Variants in BTN2A2 observed in about 807,000 individuals in gnomAD.
BTN2A2 encodes the protein butyrophilin 2.
In BTN2A2, 29 loss-of-function variants were observed where a neutral mutation model predicts 34.7. The observed-to-expected ratio is 0.84, with a 90% CI of 0.62 to 1.14. The LOEUF is 1.14. BTN2A2 is among the 50% of genes most tolerant of loss of function. The probability of loss-of-function intolerance (pLI) is 0.00; values close to 1 mark genes in which losing one functional copy is unlikely to be tolerated. For synonymous variants in BTN2A2, 240 were observed against 253.1 expected, an observed-to-expected ratio of 0.95 and a Z score of 0.49; for missense variants, 612 against 651.5, an observed-to-expected ratio of 0.94 and a Z score of 0.66.
chr6:26,389,516 G>A (rs1761433772), intron 4 of BTN2A2, among the ~76,000 whole-genome samples: 1 of 152,210 alleles, frequency 6.6e-6, no homozygotes, highest in Non-Finnish European at 1.5e-5. Context: ...TTCACAGAGT[G>A]ATGCAACTAC....
At position 26,392,870 on chromosome 6, in the gene BTN2A2, C is replaced by G. The variant is rs767900073; in HGVS notation, c.1475C>G (p.Pro492Arg). The G allele has an allele frequency of 1.2e-6, 2 of 1,614,204 alleles. No homozygotes were observed. The highest frequency in any genetic ancestry group is 8.5e-7 in the Non-Finnish European group (1 of 1,180,042). Reference sequence around the variant, plus strand: ...TTCAGGTTAGGGTCTGATGACAGCCCCATCTTCATCTGCCCTGCACTCACA... The same window carrying G: ...TTCAGGTTAGGGTCTGATGACAGCCGCATCTTCATCTGCCCTGCACTCACA... ...PFFRLGSDDS[P>R]IFICPALTGA... The change falls in exon 8 of 8, where the codon CCC (proline) becomes CGC (arginine). Residue 492 changes from proline to arginine, a missense_variant. Coordinates refer to ENST00000356709, the MANE Select transcript of BTN2A2 (RefSeq NM_006995.5).
chr6:26,390,530 C>G (rs575391671), intron 5 of BTN2A2, 157 bp from the exon 6 acceptor site: 3 of 930,662 alleles, frequency 3.2e-6, no homozygotes, highest in Non-Finnish European at 5.0e-6. Flanking sequence ...GCCATCTGAT[C>G]ATACATCATT....
In BTN2A2 at chr6:26,385,136, G is replaced by T. The variant is rs1433040019; in HGVS notation, c.216G>T (p.Arg72=). The T allele has an allele frequency of 6.2e-7, 1 of 1,614,004 alleles. No individual in the cohort carries two copies. Residue 72 remains arginine (R), a synonymous_variant, in exon 3 of 8, where the codon CGG becomes CGT. Coordinates refer to ENST00000356709, the MANE Select transcript of BTN2A2 (RefSeq NM_006995.5). ...NAEDMEVRWF[R]SQFSPAVFVY... is the part of the protein sequence containing the mutation. ...AGGACATGGAGGTGCGGTGGTTCCG[G>T]TCTCAGTTCTCCCCCGCAGTGTTTG...
chr6:26,392,278 C>A (rs1761624149), intron 7 of BTN2A2, 97 bp from the exon 8 acceptor site: 2 of 1,591,726 alleles, frequency 1.3e-6, no homozygotes, highest in Non-Finnish European at 1.7e-6. Context: ...ACATGGGGAA[C>A]CCCCTTCAGC....
At chr6:26,390,764 C>T in intron 6 of BTN2A2, 39 bp from the exon 7 acceptor site, 1 of 1,614,260 alleles carries the variant, frequency 6.2e-7, no homozygotes, top group South Asian at 1.1e-5. Context: ...GCTTACTTAG[C>T]AGTGTCTCGT....
chr6:26,393,206 T>G lies in BTN2A2; in HGVS notation c.*239T>G. 1 of 1,520,168 alleles carries G rather than the reference T, an allele frequency of 6.6e-7. No homozygotes were observed. Among genetic ancestry groups the G allele is most frequent in the Non-Finnish European group, 8.8e-7 (1 of 1,137,806 alleles). The allele number at this position is 1,520,168 out of a possible 1,614,324, so 94.2% of individuals were successfully genotyped here. ...GGGATGGGATCCAGGCATAGGGAAC[T>G]AGTTGTTTCATAGCTCCCAGTCAAA... is the stretch of plus-strand genomic sequence containing the variant. On this transcript the variant is annotated 3_prime_UTR_variant, in exon 8 of 8. Transcript: ENST00000356709.
chr6:26,388,349 A>G, intron 4 of BTN2A2, 55 bp downstream of exon 4: 1 of 1,590,196 alleles, frequency 6.3e-7, no homozygotes, highest in Non-Finnish European at 8.6e-7. Flanking sequence ...CTCAGCACCC[A>G]GATGGAGCCC....
rs755135043 is a variant in BTN2A2, at chr6:26,383,929, T to C, written c.94+14T>C. ...CACTGGTCTCAGGTAGGGATGTGTGTCACTTGCTGCTGTCACCTCTCAGAA... is the reference window on the plus strand; with the variant it reads ...CACTGGTCTCAGGTAGGGATGTGTGCCACTTGCTGCTGTCACCTCTCAGAA... On this transcript the variant is annotated intron_variant, in intron 2 of 7. Coordinates refer to ENST00000356709, the MANE Select transcript of BTN2A2 (RefSeq NM_006995.5). The surrounding 1 kb of genome is among the most constrained non-coding windows in gnomAD (Gnocchi z 4.4). 1 of 1,609,250 alleles carries C rather than the reference T, an allele frequency of 6.2e-7. No homozygotes were observed. The highest frequency in any genetic ancestry group is 1.3e-5 in the African/African-American group (1 of 74,882).
rs1761117425 is a variant in BTN2A2 at position 26,385,254 on chromosome 6, GT to G, written c.335del (p.Val112GlyfsTer82). The part of the protein sequence containing the change: ...FVSKDINRGS[V>X]ALVIHNVTAQ... ...GAGCAAAGACATCAACAGGGGCAGC[GT>G]GGCCCTGGTCATACATAACGTCACA... is the stretch of plus-strand genomic sequence containing the variant. On this transcript the variant is annotated frameshift_variant, in exon 3 of 8. Transcript: ENST00000356709. LOFTEE classifies it high-confidence loss of function. 6.2e-7 allele frequency: 1 copy of G among 1,614,032 alleles called. No homozygotes were observed. Among genetic ancestry groups the G allele is most frequent in the Non-Finnish European group, 8.5e-7 (1 of 1,180,048 alleles).
chr6:26,385,411 G>A (rs893941256), intron 3 of BTN2A2, 49 bp downstream of exon 3: 2 of 1,544,190 alleles, frequency 1.3e-6, no homozygotes, highest in African/African-American at 2.7e-5. Context: ...GTGACTTTTG[G>A]GGAAAGTTTC....
intron 3 of BTN2A2, among the ~76,000 whole-genome samples, chr6:26,386,714 A>G (rs1390810694): frequency 6.6e-6 from 1 of 152,090 alleles, no homozygotes; most frequent in Non-Finnish European, 1.5e-5. Context: ...TTGCTTGCTT[A>G]TTGTACTCTG....
intron 7 of BTN2A2, 139 bp downstream of exon 7, chr6:26,390,968 C>A: frequency 1.6e-6 from 2 of 1,285,854 alleles, no homozygotes; most frequent in Non-Finnish European, 2.2e-6. Context: ...CAACGGTGTC[C>A]CAGCAATGAT....
chr6:26,386,123 T>C (rs777672288), intron 3 of BTN2A2, among the ~76,000 whole-genome samples: 1 of 152,232 alleles, frequency 6.6e-6, no homozygotes, highest in Non-Finnish European at 1.5e-5. Flanking sequence ...AGAGTGACTT[T>C]TATATAAATA....
At chr6:26,391,039 C>G in intron 7 of BTN2A2, 1 of 661,546 alleles carries the variant, frequency 1.5e-6, no homozygotes. Flanking sequence ...CAGTTTACAT[C>G]CCCAGGACCC....
Position 26,390,482 on chromosome 6 carries a change from G to T in BTN2A2, c.932-205G>T, listed in dbSNP as rs539880017. 4.1e-6 allele frequency: 3 copies of T among 740,038 alleles called. No homozygotes were observed. In the African/African-American group the frequency reaches 5.3e-5, roughly 13 times the overall value. The allele number at this position is 740,038 out of a possible 1,614,324, so 45.8% of individuals were successfully genotyped here. A position where few individuals can be genotyped will look rare whatever the true frequency, so the allele number is the denominator to read the frequency against. ...TGCAGCACTACATGGCTGAACGAAA[G>T]TTCAGACAAAAGTCTAACAATGTAC... On this transcript the variant is annotated intron_variant, in intron 5 of 7. Transcript: ENST00000356709.
chr6:26,389,913 TGGC>T, intron 4 of BTN2A2, 89 bp from the exon 5 acceptor site: 9 of 1,221,282 alleles, frequency 7.4e-6, no homozygotes, highest in Non-Finnish European at 1.0e-5. Context: ...ACAGAACAGG[TGGC>T]TGAGGAGCTC....
chr6:26,385,956 C>T (rs540684356), intron 3 of BTN2A2, among the ~76,000 whole-genome samples: 1 of 152,328 alleles, frequency 6.6e-6, no homozygotes, highest in South Asian at 2.1e-4. Context: ...TGGCACTGAA[C>T]TGTGCACGTC....
At chr6:26,386,781 C>T (rs1287643461) in intron 3 of BTN2A2, among the ~76,000 whole-genome samples, 12 of 152,140 alleles carry the variant, frequency 7.9e-5, no homozygotes. Context: ...TCATGCTTAC[C>T]CGTATTGAAC....
chr6:26,390,896 AGAG>A, intron 7 of BTN2A2, 67 bp downstream of exon 7: 1 of 1,611,436 alleles, frequency 6.2e-7, no homozygotes, highest in Non-Finnish European at 8.5e-7. Context: ...AGGACTCCTT[AGAG>A]GAGATGAGCA....
Sources: allele counts gnomAD v4.1 joint callset (sites outside exome capture counted in the v4.1 genomes callset), GRCh38; gene constraint gnomAD v4.1.1; non-coding constraint Gnocchi (gnomAD v3.1); transcripts MANE v1.5; gene names NCBI Gene and HGNC (gene_info 2026-07-23, HGNC 2026-07-21).